The following RIN3 variants were observed in gnomAD, a reference collection of about 807,000 sequenced individuals.
RIN3 encodes the protein RAB5 interacting protein 3.
A neutral mutation model predicts 76.3 loss-of-function variants in RIN3; 54 were observed. That is an observed-to-expected ratio of 0.71 (90% CI 0.57 to 0.89). RIN3 has a LOEUF of 0.89. RIN3 is among the 40% of genes least tolerant of loss of function. The pLI, the probability that RIN3 is intolerant of heterozygous loss-of-function variation, is 0.00. For missense variants in RIN3, 1,256 were observed against 1,322.1 expected (o/e 0.95, Z 0.78); for synonymous variants, 576 against 564.0 (o/e 1.02, Z -0.30).
chr14:92,574,111 C>T lies in RIN3; in HGVS notation c.250-3249C>T, dbSNP rs370892967. Among the ~76,000 whole-genome samples, 10 of 152,146 alleles carry T rather than the reference C, an allele frequency of 6.6e-5. No individual in the cohort carries two copies. In the East Asian group the frequency reaches 9.6e-4, roughly 15 times the overall value. The stretch of plus-strand genomic sequence containing the variant: ...CCTCACACCAAGGAAATAAAGGACA[C>T]GGACACACAAGAAATGAGGTTAAGA... On this transcript the variant is annotated intron_variant, in intron 2 of 9. Transcript: ENST00000216487.
intron 3 of RIN3, among the ~76,000 whole-genome samples, chr14:92,603,591 G>T (rs1202083762): frequency 1.3e-5 from 2 of 152,194 alleles, no homozygotes; most frequent in African/African-American, 4.8e-5. Flanking sequence ...GTGCTGTCCA[G>T]CTTTGGGCTC....
chr14:92,581,314 C>G (rs1284891216), intron 3 of RIN3, among the ~76,000 whole-genome samples: 1 of 152,170 alleles, frequency 6.6e-6, no homozygotes, highest in African/African-American at 2.4e-5. Context: ...CTGTCTCTTA[C>G]TAAGAGCAAC....
chr14:92,687,938 G>A lies in RIN3; in HGVS notation c.2644G>A (p.Val882Met), dbSNP rs200477023. The change falls in exon 10 of 10, where the codon GTG (valine) becomes ATG (methionine). Residue 882 changes from valine to methionine, a missense_variant. By Grantham distance (21) the Val-to-Met change is conservative. Around this residue, in one of 3 missense-constraint regions of RIN3, gnomAD observed 218 missense variants for 174.5 expected, o/e 1.25. Transcript: ENST00000216487. ...CGCGTCTCCGCAGGACTTCATCTGC[G>A]TGTCGTACCTGGAGCCCGAGCAGCA... is the stretch of plus-strand genomic sequence containing the variant. ...SRSSVQDFIC[V>M]SYLEPEQQAR... 6 of 1,547,274 alleles carry A rather than the reference G, an allele frequency of 3.9e-6. No homozygotes were observed. The highest frequency in any genetic ancestry group is 4.0e-5 in the Admixed American group (2 of 50,552).
intron 3 of RIN3, among the ~76,000 whole-genome samples, chr14:92,604,176 T>C (rs1885444814): frequency 6.6e-6 from 1 of 152,224 alleles, no homozygotes; most frequent in Non-Finnish European, 1.5e-5. Flanking sequence ...AGAGTGGGCA[T>C]GGCCCTGAAG....
At chr14:92,610,929 G>A (rs575072335) in intron 3 of RIN3, among the ~76,000 whole-genome samples, 1 of 152,260 alleles carries the variant, frequency 6.6e-6, no homozygotes, top group Non-Finnish European at 1.5e-5. Flanking sequence ...CTGAACACAC[G>A]GGCACTGTTC....
chr14:92,615,698 C>T, intron 4 of RIN3: 3 of 551,116 alleles, frequency 5.4e-6, no homozygotes, highest in Non-Finnish European at 9.7e-6. Context: ...TCCACACCTG[C>T]CCCTCTGGCT....
rs1885085761 is a variant in RIN3 at position 92,594,400 on chromosome 14, C to T, written c.367+16923C>T. On this transcript the variant is annotated intron_variant, in intron 3 of 9. Transcript: ENST00000216487. ...TGAGCCAAGATCATGCCATTGCACT[C>T]CAGCCTGGGCAACAAGAGCGAAACT... Among the ~76,000 whole-genome samples the T allele has an allele frequency of 8.0e-5, 12 of 150,028 alleles. No homozygotes were observed. In the South Asian group the frequency reaches 2.5e-3, roughly 32 times the overall value.
At chr14:92,651,499 A>AGCC in intron 5 of RIN3, 83 bp from the exon 6 acceptor site, 1 of 431,572 alleles carries the variant, frequency 2.3e-6, no homozygotes, top group Non-Finnish European at 4.5e-6. Flanking sequence ...CCACCCGTGG[A>AGCC]CCCCGCCCAC....
At chr14:92,544,414 T>TGGGGGGGGGGGGGGGG (rs71123353) in intron 1 of RIN3, among the ~76,000 whole-genome samples, 11 of 74,544 alleles carry the variant, frequency 1.5e-4, no homozygotes, top group East Asian at 6.1e-4. Context: ...GTGACAGCTG[T>TGGGGGGGGGGGGGGGG]GGGGGGGGGG....
chr14:92,574,174 C>T (rs1195539586), intron 2 of RIN3, among the ~76,000 whole-genome samples: 2 of 152,208 alleles, frequency 1.3e-5, no homozygotes, highest in African/African-American at 2.4e-5. Context: ...GAAAAGCACT[C>T]TCCTGCAGAG....
intron 7 of RIN3, among the ~76,000 whole-genome samples, chr14:92,673,009 A>G (rs8019304): frequency 0.6 from 91,254 of 151,856 alleles, 27,680 homozygotes; most frequent in East Asian, 0.8. Context: ...GCAGCCAGGC[A>G]TGGTGGCTCA....
At position 92,525,896 on chromosome 14, in the gene RIN3, G is replaced by A. The variant is rs182990459; in HGVS notation, c.44+11920G>A. On this transcript the variant is annotated intron_variant, in intron 1 of 9. Transcript: ENST00000216487. ...CAGGATGGTCCTATGGAGTGCCGGG[G>A]GTCCCTGGCTGGCTGAAGGGCATCC... Among the ~76,000 whole-genome samples, 9 of 152,284 alleles carry A rather than the reference G, an allele frequency of 5.9e-5. No homozygotes were observed. The East Asian group carries it at 1.5e-3, about 26-fold the overall frequency.
At chr14:92,574,355 G>A (rs1898152171) in intron 2 of RIN3, among the ~76,000 whole-genome samples, 1 of 152,228 alleles carries the variant, frequency 6.6e-6, no homozygotes, top group Admixed American at 6.5e-5. Flanking sequence ...CTTTTATTAC[G>A]TAGATGGATT....
intron 3 of RIN3, among the ~76,000 whole-genome samples, chr14:92,598,265 G>A (rs1387289977): frequency 6.6e-6 from 1 of 152,134 alleles, no homozygotes; most frequent in African/African-American, 2.4e-5. Context: ...AGGAAGACAG[G>A]CCTGGGTGAA....
intron 2 of RIN3, among the ~76,000 whole-genome samples, chr14:92,577,088 G>T (rs753933356): frequency 6.6e-6 from 1 of 152,180 alleles, no homozygotes; most frequent in Non-Finnish European, 1.5e-5. Context: ...CATGGACTCT[G>T]TGCCTCCAAT....
At chr14:92,600,396 G>C (rs1026336668) in intron 3 of RIN3, among the ~76,000 whole-genome samples, 6 of 152,096 alleles carry the variant, frequency 3.9e-5, no homozygotes, top group African/African-American at 1.4e-4. Context: ...GATGCCTAAG[G>C]GGGGTGGGAA....
At chr14:92,625,176 A>G (rs988334851) in intron 4 of RIN3, among the ~76,000 whole-genome samples, 41 of 152,218 alleles carry the variant, frequency 2.7e-4, no homozygotes, top group Non-Finnish European at 5.7e-4. Flanking sequence ...AGAGCATTTC[A>G]TAAGGGGATA....
intron 7 of RIN3, among the ~76,000 whole-genome samples, chr14:92,674,847 C>A (rs1888406078): frequency 6.6e-6 from 1 of 151,212 alleles, no homozygotes; most frequent in Non-Finnish European, 1.5e-5. Flanking sequence ...CGAGATGGCA[C>A]CACTGCACTC....
At chr14:92,633,876 T>C (rs928949762) in intron 4 of RIN3, among the ~76,000 whole-genome samples, 1 of 151,644 alleles carries the variant, frequency 6.6e-6, no homozygotes, top group African/African-American at 2.4e-5. Context: ...TGTGTGTGTG[T>C]GTGTTTGTAT....
Sources: gnomAD v4.1 joint callset for allele counts (sites outside exome capture counted in the v4.1 genomes callset) on GRCh38, gnomAD v4.1.1 for gene constraint, gnomAD v4.1.1 regional missense constraint, MANE v1.5 for transcripts, NCBI Gene and HGNC (gene_info 2026-07-23, HGNC 2026-07-21) for gene names.